Variants in CNTNAP2 observed in about 807,000 individuals in gnomAD.
CNTNAP2 encodes contactin associated protein 2, also known as contactin-associated protein-like 2.
Under a neutral mutation model 155.2 loss-of-function variants are expected in CNTNAP2, and 98 were observed. That is an observed-to-expected ratio of 0.63 (90% CI 0.54 to 0.75). The LOEUF (loss-of-function observed/expected upper bound fraction) is 0.75, where lower values mean the gene tolerates loss of function less well. CNTNAP2 is among the 30% of genes least tolerant of loss of function. The pLI is 0.00. For synonymous variants in CNTNAP2, 651 were observed against 631.2 expected (o/e 1.03, Z -0.47); for missense variants, 1,727 against 1,688.1 (o/e 1.02, Z -0.40).
At chr7:147,473,393 A>G (rs1798261298) in intron 10 of CNTNAP2, among the ~76,000 whole-genome samples, 1 of 152,134 alleles carries the variant, frequency 6.6e-6, no homozygotes, top group Admixed American at 6.5e-5. Flanking sequence ...GCCAGAGGAG[A>G]TAGGACACAG....
chr7:147,365,383 G>GAAAAA (rs10557373), intron 9 of CNTNAP2, among the ~76,000 whole-genome samples: 10 of 93,648 alleles, frequency 1.1e-4, no homozygotes, highest in African/African-American at 1.3e-4. Flanking sequence ...ATCTCAAAAA[G>GAAAAA]AAAAAAAAAA....
At chr7:148,312,165 T>C (rs896240089) in intron 21 of CNTNAP2, among the ~76,000 whole-genome samples, 2 of 152,160 alleles carry the variant, frequency 1.3e-5, no homozygotes, top group African/African-American at 4.8e-5. Flanking sequence ...GCTAAAACAG[T>C]AAGGTCATAG....
chr7:147,570,447 T>G (rs934932372), intron 12 of CNTNAP2, among the ~76,000 whole-genome samples: 1 of 152,206 alleles, frequency 6.6e-6, no homozygotes, highest in Non-Finnish European at 1.5e-5. Context: ...CTCTTATAAT[T>G]GTAACATATT....
intron 9 of CNTNAP2, among the ~76,000 whole-genome samples, chr7:147,378,357 T>C (rs1448036090): frequency 6.6e-6 from 1 of 152,012 alleles, no homozygotes; most frequent in Non-Finnish European, 1.5e-5. Context: ...AATAATTATA[T>C]CAGGGTAAAT....
intron 13 of CNTNAP2, among the ~76,000 whole-genome samples, chr7:147,761,546 C>T (rs1185680567): frequency 6.6e-6 from 1 of 152,140 alleles, no homozygotes; most frequent in Non-Finnish European, 1.5e-5. Context: ...TTAATTCATC[C>T]AACCCTTAGG....
chr7:147,095,562 A>T (rs1031058219), intron 4 of CNTNAP2, among the ~76,000 whole-genome samples: 12 of 151,786 alleles, frequency 7.9e-5, no homozygotes, highest in African/African-American at 2.9e-4. Flanking sequence ...TTCTATTTCA[A>T]ATCTCAGTGA....
At chr7:147,896,911 CA>C (rs1287376240) in intron 13 of CNTNAP2, 4 of 152,142 alleles carry the variant, frequency 2.6e-5, no homozygotes, top group African/African-American at 9.7e-5. Flanking sequence ...CGCCTACACC[CA>C]GGAATGAATA....
intron 1 of CNTNAP2, among the ~76,000 whole-genome samples, chr7:146,721,753 CTATA>C (rs1182233731): frequency 1.6e-4 from 20 of 124,158 alleles, no homozygotes; most frequent in East Asian, 4.4e-4. Flanking sequence ...TATATATATT[CTATA>C]TATAGTCTAC....
intron 13 of CNTNAP2, among the ~76,000 whole-genome samples, chr7:147,859,038 G>A (rs1156887443): frequency 2.0e-5 from 3 of 152,138 alleles, no homozygotes; most frequent in African/African-American, 7.2e-5. Context: ...AATATAAGAT[G>A]TAAGTTCACA....
intron 9 of CNTNAP2, among the ~76,000 whole-genome samples, chr7:147,338,664 C>T (rs4726846): frequency 0.16 from 23,576 of 151,984 alleles, 1,929 homozygotes; most frequent in Middle Eastern, 0.17. Context: ...ATAACTAAAA[C>T]ATTTTAGGAG....
At chr7:148,029,936 T>C (rs1802442703) in intron 15 of CNTNAP2, among the ~76,000 whole-genome samples, 1 of 152,208 alleles carries the variant, frequency 6.6e-6, no homozygotes, top group Non-Finnish European at 1.5e-5. Context: ...AGGGAGATGT[T>C]CTAAGTGTTT....
At chr7:147,433,458 A>G (rs991848854) in intron 10 of CNTNAP2, among the ~76,000 whole-genome samples, 1 of 152,172 alleles carries the variant, frequency 6.6e-6, no homozygotes, top group Non-Finnish European at 1.5e-5. Flanking sequence ...AAGGACTGTT[A>G]TCTGCAGGGC....
chr7:146,450,595 G>A (rs1034442005), intron 1 of CNTNAP2, among the ~76,000 whole-genome samples: 1 of 152,200 alleles, frequency 6.6e-6, no homozygotes, highest in Non-Finnish European at 1.5e-5. Context: ...CCTCTTAAAC[G>A]AAGCCACATG....
rs533564316 is a variant in CNTNAP2, at chr7:147,072,754, G to C, written c.550+28700G>C. ...GGTATGGACTGATGGGAGAGACTCAGATTTAAAGAAAGGATCACACATCTG... is the reference window on the plus strand; with the variant it reads ...GGTATGGACTGATGGGAGAGACTCACATTTAAAGAAAGGATCACACATCTG... On this transcript the variant is annotated intron_variant, in intron 4 of 23. Coordinates refer to ENST00000361727, the MANE Select transcript of CNTNAP2 (RefSeq NM_014141.6). Among the ~76,000 whole-genome samples the C allele has an allele frequency of 2.0e-4, 30 of 152,002 alleles. 2 individuals carry two copies. In the South Asian group the frequency reaches 6.0e-3, roughly 31 times the overall value.
chr7:146,947,505 T>A (rs1198975299), intron 3 of CNTNAP2, among the ~76,000 whole-genome samples: 2 of 141,300 alleles, frequency 1.4e-5, no homozygotes, highest in East Asian at 4.0e-4. Flanking sequence ...TATATCTTTC[T>A]AGATATATAT....
intron 15 of CNTNAP2, among the ~76,000 whole-genome samples, chr7:148,103,221 T>TA (rs1034738264): frequency 4.8e-5 from 7 of 145,434 alleles, no homozygotes; most frequent in African/African-American, 1.6e-4. Flanking sequence ...TTTTTTTTTT[T>TA]ATCTTAGTAG....
chr7:146,213,865 C>T (rs56240554), intron 1 of CNTNAP2, among the ~76,000 whole-genome samples: 1,574 of 152,204 alleles, frequency 0.01, 27 homozygotes, highest in African/African-American at 0.036. Flanking sequence ...TCAGAGGATT[C>T]GGTTACTGAA....
At chr7:147,970,157 C>T (rs1302171361) in intron 14 of CNTNAP2, among the ~76,000 whole-genome samples, 1 of 151,902 alleles carries the variant, frequency 6.6e-6, no homozygotes, top group Non-Finnish European at 1.5e-5. Flanking sequence ...CTTGAATTCC[C>T]ACCTCAGCCT....
chr7:147,174,443 C>A (rs753048970), intron 8 of CNTNAP2, among the ~76,000 whole-genome samples: 2 of 152,104 alleles, frequency 1.3e-5, no homozygotes, highest in African/African-American at 2.4e-5. Context: ...CAATACTACT[C>A]CATTGCAAAT....
Sources: gnomAD v4.1 joint callset for allele counts (sites outside exome capture counted in the v4.1 genomes callset) on GRCh38, gnomAD v4.1.1 for gene constraint, MANE v1.5 for transcripts, NCBI Gene and HGNC (gene_info 2026-07-23, HGNC 2026-07-21) for gene names.